EIF3H: variants seen among roughly 807,000 people sequenced by gnomAD.
The protein encoded by EIF3H is eukaryotic translation initiation factor 3 subunit H.
In EIF3H, 26 loss-of-function variants were observed where a neutral mutation model predicts 44.2. The ratio of observed to expected loss-of-function variants is 0.59; its 90% CI spans 0.43 to 0.82. The LOEUF is 0.82. EIF3H is among the 40% of genes least tolerant of loss of function. The pLI, the probability that EIF3H is intolerant of heterozygous loss-of-function variation, is 0.00. For missense variants in EIF3H, 359 were observed against 432.8 expected, an observed-to-expected ratio of 0.83 and a Z score of 1.51; for synonymous variants, 166 against 151.9, an observed-to-expected ratio of 1.09 and a Z score of -0.68.
At chr8:116,681,091 G>C (rs367681427) in intron 2 of EIF3H, among the ~76,000 whole-genome samples, 13 of 152,268 alleles carry the variant, frequency 8.5e-5, no homozygotes, top group African/African-American at 2.9e-4. Flanking sequence ...GGCCAGGCGT[G>C]GTGGCTCACA....
At chr8:116,730,162 C>A (rs1462990108) in intron 1 of EIF3H, among the ~76,000 whole-genome samples, 1 of 152,154 alleles carries the variant, frequency 6.6e-6, no homozygotes, top group African/African-American at 2.4e-5. Context: ...AAATGCCTTA[C>A]AGTAGGATTC....
intron 2 of EIF3H, among the ~76,000 whole-genome samples, chr8:116,700,016 G>C (rs991792678): frequency 6.6e-6 from 1 of 152,214 alleles, no homozygotes; most frequent in Non-Finnish European, 1.5e-5. Context: ...ATGTTGGTCA[G>C]GATGGTCTCA....
At chr8:116,709,116 A>T (rs1814527328) in intron 2 of EIF3H, among the ~76,000 whole-genome samples, 1 of 152,162 alleles carries the variant, frequency 6.6e-6, no homozygotes, top group African/African-American at 2.4e-5. Context: ...TCAAAGTATC[A>T]AGCAGCCTAA....
At chr8:116,654,577 T>G (rs1248067322) in intron 5 of EIF3H, among the ~76,000 whole-genome samples, 1 of 152,198 alleles carries the variant, frequency 6.6e-6, no homozygotes, top group Non-Finnish European at 1.5e-5. Flanking sequence ...CCAATGTGTT[T>G]GTAAAAGCAA....
At chr8:116,667,140 TA>T in intron 2 of EIF3H, among the ~76,000 whole-genome samples, 1 of 152,156 alleles carries the variant, frequency 6.6e-6, no homozygotes, top group Non-Finnish European at 1.5e-5. Context: ...AGGCCATGGA[TA>T]TTCTGATTAA....
At chr8:116,645,734 C>G (rs1813285142) in intron 7 of EIF3H, among the ~76,000 whole-genome samples, 1 of 152,102 alleles carries the variant, frequency 6.6e-6, no homozygotes, top group Non-Finnish European at 1.5e-5. Context: ...GTCTCATTTC[C>G]AAATTTAATT....
chr8:116,666,487 T>C (rs371405049), intron 2 of EIF3H, among the ~76,000 whole-genome samples: 2 of 152,222 alleles, frequency 1.3e-5, no homozygotes, highest in African/African-American at 4.8e-5. Context: ...AGATCTTATT[T>C]CTTTGAGGTT....
intron 2 of EIF3H, among the ~76,000 whole-genome samples, chr8:116,686,773 C>T (rs1486438129): frequency 1.3e-5 from 2 of 151,510 alleles, no homozygotes; most frequent in Non-Finnish European, 2.9e-5. Flanking sequence ...GCGGGATGGG[C>T]AAGAGTTTGC....
intron 2 of EIF3H, among the ~76,000 whole-genome samples, chr8:116,684,840 A>C (rs550892852): frequency 6.6e-6 from 1 of 152,344 alleles, no homozygotes; most frequent in South Asian, 2.1e-4. Flanking sequence ...AATTTGTTCA[A>C]TTATAAAATG....
intron 1 of EIF3H, among the ~76,000 whole-genome samples, chr8:116,728,514 T>C (rs1404916441): frequency 6.6e-6 from 1 of 152,042 alleles, no homozygotes; most frequent in Non-Finnish European, 1.5e-5. Context: ...ACAACAGATA[T>C]GCAGTAAAAA....
intron 4 of EIF3H, among the ~76,000 whole-genome samples, chr8:116,656,388 G>A (rs914710806): frequency 2.0e-5 from 3 of 152,256 alleles, no homozygotes; most frequent in African/African-American, 7.2e-5. Flanking sequence ...TCTATTTCTT[G>A]AAAAGTTCAT....
intron 1 of EIF3H, among the ~76,000 whole-genome samples, chr8:116,752,342 T>C (rs1042771694): frequency 3.3e-5 from 5 of 152,072 alleles, no homozygotes; most frequent in African/African-American, 1.2e-4. Context: ...TTAGCAAAGT[T>C]AGCATTCGAA....
chr8:116,659,152 G>T (rs989826708), intron 2 of EIF3H, among the ~76,000 whole-genome samples, 172 bp from the exon 3 acceptor site: 1 of 152,082 alleles, frequency 6.6e-6, no homozygotes, highest in Non-Finnish European at 1.5e-5. Flanking sequence ...ACAAAATTAG[G>T]CTTTTAAATC....
chr8:116,678,566 G>A (rs1451923486), intron 2 of EIF3H, among the ~76,000 whole-genome samples: 3 of 151,076 alleles, frequency 2.0e-5, no homozygotes, highest in African/African-American at 4.9e-5. Context: ...CTTCCCAGCC[G>A]CCATCCCATC....
intron 2 of EIF3H, among the ~76,000 whole-genome samples, chr8:116,720,924 CAG>C (rs1814733131): frequency 6.6e-6 from 1 of 151,928 alleles, no homozygotes; most frequent in Admixed American, 6.6e-5. Context: ...AAAAGGGAAA[CAG>C]AGTATAAAAG....
At chr8:116,721,158 T>C (rs1211412186) in intron 2 of EIF3H, among the ~76,000 whole-genome samples, 4 of 152,118 alleles carry the variant, frequency 2.6e-5, no homozygotes, top group Admixed American at 2.0e-4. Context: ...CTGCTGTGTG[T>C]AGCCTAGGGA....
intron 5 of EIF3H, among the ~76,000 whole-genome samples, chr8:116,653,184 ACT>A (rs1443532486): frequency 1.3e-5 from 2 of 152,172 alleles, no homozygotes; most frequent in African/African-American, 4.8e-5. Context: ...AAACAGACCC[ACT>A]GTTTCTACCA....
intron 2 of EIF3H, among the ~76,000 whole-genome samples, chr8:116,704,149 T>A (rs908527977): frequency 2.0e-5 from 3 of 152,198 alleles, no homozygotes; most frequent in African/African-American, 7.2e-5. Flanking sequence ...CAAAAGGGTG[T>A]CCTATAAAGT....
chr8:116,738,847 T>G (rs1815084117), intron 1 of EIF3H, among the ~76,000 whole-genome samples: 1 of 152,284 alleles, frequency 6.6e-6, no homozygotes, highest in African/African-American at 2.4e-5. Context: ...ACTGAATTAT[T>G]AAAATGTTTT....
Sources: allele counts gnomAD v4.1 joint callset (sites outside exome capture counted in the v4.1 genomes callset), GRCh38; gene constraint gnomAD v4.1.1; transcripts MANE v1.5; gene names NCBI Gene and HGNC (gene_info 2026-07-23, HGNC 2026-07-21).